The following BDP1 variants were observed in gnomAD, a reference collection of about 807,000 sequenced individuals.
The protein encoded by BDP1 is transcription factor TFIIIB component B'' homolog.
BDP1 carries 169 observed loss-of-function variants against 266.6 expected under a neutral mutation model. The ratio of observed to expected loss-of-function variants is 0.63; its 90% confidence interval spans 0.56 to 0.72. The LOEUF is 0.72. BDP1 is among the 30% of genes least tolerant of loss of function. The pLI, the probability that BDP1 is intolerant of heterozygous loss-of-function variation, is 0.00. For synonymous variants in BDP1, 1,090 were observed against 1,022.4 expected (o/e 1.07, Z -1.26); for missense variants, 3,015 against 3,053.8 (o/e 0.99, Z 0.30).
chr5:71,478,207 C>T (rs565830567), intron 7 of BDP1, among the ~76,000 whole-genome samples: 11 of 152,248 alleles, frequency 7.2e-5, no homozygotes, highest in Admixed American at 4.6e-4. Context: ...CGAAATCATG[C>T]CATTGGACTC....
At chr5:71,547,882 A>C (rs538718095) in intron 32 of BDP1, among the ~76,000 whole-genome samples, 6 of 152,298 alleles carry the variant, frequency 3.9e-5, no homozygotes, top group African/African-American at 1.4e-4. Flanking sequence ...CAGGAGGCAG[A>C]GGGGCGGAGG....
At chr5:71,458,391 G>T (rs573878966) in intron 1 of BDP1, among the ~76,000 whole-genome samples, 188 bp from the exon 2 acceptor site, 2 of 151,894 alleles carry the variant, frequency 1.3e-5, no homozygotes, top group African/African-American at 2.4e-5. Context: ...TAGAATTTAC[G>T]TATATTTAAA....
intron 22 of BDP1, among the ~76,000 whole-genome samples, chr5:71,520,140 C>G (rs1765425037): frequency 6.6e-6 from 1 of 152,194 alleles, no homozygotes; most frequent in East Asian, 1.9e-4. Flanking sequence ...TTTGCCTATT[C>G]TTTAATCAGA....
chr5:71,525,108 A>G (rs868855048), intron 25 of BDP1, among the ~76,000 whole-genome samples: 25 of 151,962 alleles, frequency 1.6e-4, no homozygotes, highest in Non-Finnish European at 2.9e-4. Context: ...ATTCCACAAA[A>G]CCGCCATTGT....
Position 71,502,797 on chromosome 5 carries a change from T to G in BDP1, c.2241+6T>G. ...AATCCTGTGCTGATAGAGATGTAAGTACTCTGATTCCTCCTCACATTTTTG... is the reference window on the plus strand; with the variant it reads ...AATCCTGTGCTGATAGAGATGTAAGGACTCTGATTCCTCCTCACATTTTTG... On this transcript the variant is annotated splice_donor_region_variant and intron_variant, in intron 15 of 38. Coordinates refer to ENST00000358731, the MANE Select transcript of BDP1 (RefSeq NM_018429.3). 6.2e-7 allele frequency: 1 copy of G among 1,606,126 alleles called. No individual in the cohort carries two copies. The highest frequency in any genetic ancestry group is 2.2e-5 in the East Asian group (1 of 44,806).
Position 71,509,960 on chromosome 5 carries a change from T to A in BDP1, c.2868T>A (p.Asp956Glu), listed in dbSNP as rs1207152364. The A allele has an allele frequency of 6.2e-7, 1 of 1,613,440 alleles. No individual in the cohort carries two copies. The highest frequency in any genetic ancestry group is 1.7e-5 in the Admixed American group (1 of 59,892). ...AGCCTCTAGGTGAAGTGGAGACAGA[T>A]TTGAAAGCAACTGGAAATGAGAGTT... ...EVKPLGEVET[D>E]LKATGNESSP... Residue 956 changes from aspartate to glutamate, a missense_variant, in exon 17 of 39, where the codon GAT (aspartate) becomes GAA (glutamate). Asp to Glu is a conservative substitution (Grantham distance 45). This residue lies in a region of BDP1 where 2,383 missense variants were observed against 2,404.9 expected (regional missense o/e 0.99). Transcript: ENST00000358731.
chr5:71,577,362 A>G, the BDP1 span, among the ~76,000 whole-genome samples: 1 of 152,238 alleles, frequency 6.6e-6, no homozygotes, highest in Non-Finnish European at 1.5e-5. Context: ...ACAGCTCAGT[A>G]TGTGGAGAAC....
Position 71,527,316 on chromosome 5 carries a change from G to A in BDP1, c.5772+2993G>A, listed in dbSNP as rs1254160071. On this transcript the variant is annotated intron_variant, in intron 25 of 38. Coordinates refer to ENST00000358731, the MANE Select transcript of BDP1 (RefSeq NM_018429.3). ...CAAACACCCAACACCTGTCCCTTGA[G>A]CCCCATCTCTATGCCGTCTGGCCTG... Among the ~76,000 whole-genome samples, 3 of 152,116 alleles carry A rather than the reference G, an allele frequency of 2.0e-5. No homozygotes were observed. In the East Asian group the frequency reaches 5.8e-4, roughly 29 times the overall value.
At chr5:71,520,020 G>A (rs1765417605) in intron 22 of BDP1, among the ~76,000 whole-genome samples, 1 of 152,122 alleles carries the variant, frequency 6.6e-6, no homozygotes, top group African/African-American at 2.4e-5. Context: ...ACGGCAGTAG[G>A]ATATCTCAGT....
At chr5:71,558,687 G>A (rs1163940460) in intron 36 of BDP1, among the ~76,000 whole-genome samples, 5 of 152,056 alleles carry the variant, frequency 3.3e-5, no homozygotes, top group Admixed American at 2.6e-4. Flanking sequence ...TAAGCTGGGC[G>A]TGGTGGCGGG....
chr5:71,459,279 A>AG (rs925646158), intron 2 of BDP1, among the ~76,000 whole-genome samples: 9 of 151,596 alleles, frequency 5.9e-5, no homozygotes, highest in South Asian at 2.1e-4. Context: ...TGGGAGGACT[A>AG]GGGGGGCAGA....
chr5:71,502,940 A>T, intron 15 of BDP1, 149 bp downstream of exon 15: 1 of 623,034 alleles, frequency 1.6e-6, no homozygotes, highest in Non-Finnish European at 2.5e-6. Context: ...CCAGGCTGGA[A>T]TGCAGTGTCG....
intron 25 of BDP1, among the ~76,000 whole-genome samples, chr5:71,526,521 C>T (rs1765887401): frequency 7.1e-6 from 1 of 141,600 alleles, no homozygotes; most frequent in African/African-American, 2.6e-5. Flanking sequence ...GAAGCTGAGA[C>T]AGGAGAATTG....
chr5:71,487,367 G>A (rs748689775), intron 9 of BDP1, among the ~76,000 whole-genome samples: 9 of 151,862 alleles, frequency 5.9e-5, no homozygotes, highest in East Asian at 1.9e-4. Flanking sequence ...TCAGCCTCCC[G>A]AGTAGCTGGG....
chr5:71,482,631 G>C (rs1763028911), intron 7 of BDP1, among the ~76,000 whole-genome samples: 1 of 152,044 alleles, frequency 6.6e-6, no homozygotes, highest in South Asian at 2.1e-4. Flanking sequence ...AAATTGTTCT[G>C]AATTATATTA....
At chr5:71,558,623 C>G in intron 36 of BDP1, among the ~76,000 whole-genome samples, 1 of 150,280 alleles carries the variant, frequency 6.7e-6, no homozygotes. Context: ...GTCAGGAGTT[C>G]GAGACCAGCC....
chr5:71,476,531 A>G (rs768833920), intron 7 of BDP1, among the ~76,000 whole-genome samples: 7 of 127,374 alleles, frequency 5.5e-5, no homozygotes, highest in Non-Finnish European at 1.2e-4. Flanking sequence ...TAACATGGCC[A>G]GCTTTGACTT....
At position 71,502,673 on chromosome 5, in the gene BDP1, TGCAAAA is replaced by T. The variant is rs1764322552; in HGVS notation, c.2126_2131del (p.Gln709_Lys710del). The T allele has an allele frequency of 6.2e-7, 1 of 1,613,942 alleles. No individual in the cohort carries two copies. The highest frequency in any genetic ancestry group is 1.7e-5 in the Admixed American group (1 of 59,980). ...AGACCTGTACAAGTGAGGGGCCGAT[TGCAAAA>T]GCCAAAGCCAAATGCAGGTAAAGCT... is the stretch of plus-strand genomic sequence containing the variant. On this transcript the variant is annotated inframe_deletion, in exon 15 of 39. Coordinates refer to ENST00000358731, the MANE Select transcript of BDP1 (RefSeq NM_018429.3).
At chr5:71,545,333 ATTTC>A (rs1267991287) in intron 32 of BDP1, 114 bp downstream of exon 32, 6 of 1,038,842 alleles carry the variant, frequency 5.8e-6, no homozygotes, top group Non-Finnish European at 8.4e-6. Context: ...ATTTTTCTTT[ATTTC>A]TTCTTTTTTT....
Sources: gnomAD v4.1 joint callset for allele counts (sites outside exome capture counted in the v4.1 genomes callset) on GRCh38, gnomAD v4.1.1 for gene constraint, gnomAD v4.1.1 regional missense constraint, MANE v1.5 for transcripts, NCBI Gene and HGNC (gene_info 2026-07-23, HGNC 2026-07-21) for gene names.